MAP4: variants seen among roughly 807,000 people sequenced by gnomAD.
MAP4 encodes the protein microtubule associated protein 4, also known as microtubule-associated protein 4.
In MAP4, 76 loss-of-function variants were observed where a neutral mutation model predicts 170.2. The ratio of observed to expected loss-of-function variants is 0.45; its 90% CI spans 0.37 to 0.54. The LOEUF is 0.54. MAP4 is among the 20% of genes least tolerant of loss of function. The probability of loss-of-function intolerance (pLI) is 0.00; values close to 1 mark genes in which losing one functional copy is unlikely to be tolerated. For missense variants in MAP4, 2,506 were observed against 2,748.0 expected, an observed-to-expected ratio of 0.91 and a Z score of 1.97; for synonymous variants, 909 against 994.5, an observed-to-expected ratio of 0.91 and a Z score of 1.62.
intron 13 of MAP4, 147 bp from the exon 14 acceptor site, chr3:47,871,433 A>C: frequency 1.4e-6 from 1 of 707,200 alleles, no homozygotes; most frequent in East Asian, 2.7e-5. Flanking sequence ...TGGAGTGGTA[A>C]ATTAGATGGT....
intron 1 of MAP4, among the ~76,000 whole-genome samples, chr3:48,075,464 T>C (rs1579838025): frequency 6.6e-6 from 1 of 150,810 alleles, no homozygotes; most frequent in African/African-American, 2.4e-5. Context: ...GGCAGAGAGG[T>C]TACAGTGAGC....
intron 1 of MAP4, among the ~76,000 whole-genome samples, chr3:48,063,283 T>TAC (rs1228677831): frequency 4.6e-5 from 7 of 151,726 alleles, no homozygotes; most frequent in African/African-American, 1.7e-4. Flanking sequence ...TGCAAAATGG[T>TAC]ACAGCCAGCA....
At chr3:48,016,451 A>G (rs985572407), upstream of MAP4, 2 of 152,238 alleles carry the variant, frequency 1.3e-5, no homozygotes, top group Admixed American at 1.3e-4. Flanking sequence ...AGAACACACC[A>G]GATACCTCCC....
At chr3:48,014,604 A>G (rs2100106876) in intron 1 of MAP4, among the ~76,000 whole-genome samples, 1 of 152,042 alleles carries the variant, frequency 6.6e-6, no homozygotes, top group Non-Finnish European at 1.5e-5. Flanking sequence ...GGCTGCAGTG[A>G]GCCACTATTG....
chr3:48,025,668 G>T (rs1041573377), intron 1 of MAP4, among the ~76,000 whole-genome samples: 1 of 151,796 alleles, frequency 6.6e-6, no homozygotes, highest in African/African-American at 2.4e-5. Flanking sequence ...GGCGGTCAAG[G>T]CGGGCAGCTC....
chr3:48,006,778 CA>C (rs1461094655), intron 1 of MAP4, among the ~76,000 whole-genome samples: 1 of 152,234 alleles, frequency 6.6e-6, no homozygotes, highest in African/African-American at 2.4e-5. Flanking sequence ...GTGCAGAAGA[CA>C]GATGGATCCT....
chr3:47,861,139 T>A (rs1271350655), intron 17 of MAP4, among the ~76,000 whole-genome samples: 2 of 152,116 alleles, frequency 1.3e-5, no homozygotes, highest in Non-Finnish European at 2.9e-5. Context: ...GGTGGGTGGA[T>A]CACCTGAGGT....
intron 1 of MAP4, among the ~76,000 whole-genome samples, chr3:48,070,841 GAAA>G (rs79176172): frequency 5.0e-5 from 6 of 119,570 alleles, no homozygotes; most frequent in Admixed American, 8.5e-5. Context: ...GTCTCTACAG[GAAA>G]AAAAAAAAAA....
chr3:47,956,606 G>C (rs1442389483), intron 3 of MAP4, among the ~76,000 whole-genome samples: 1 of 152,200 alleles, frequency 6.6e-6, no homozygotes, highest in African/African-American at 2.4e-5. Flanking sequence ...ATGGTGACAA[G>C]GAAATCTGGG....
rs905680834 is a variant in MAP4 at position 47,915,802 on chromosome 3, A to T, written c.1876+149T>A. 8.8e-6 allele frequency: 7 copies of T among 793,120 alleles called. No individual in the cohort carries two copies. In the African/African-American group the frequency reaches 1.0e-4, roughly 12 times the overall value. The allele number at this position is 793,120 out of a possible 1,614,324, so 49.1% of individuals were successfully genotyped here. On this transcript the variant is annotated intron_variant, in intron 7 of 20. Coordinates refer to ENST00000683076, the MANE Select transcript of MAP4 (RefSeq NM_001385682.1). ...GAGGTGGGAGGAGGGTAAAGGCGGG[A>T]AAGAGTTGTCTAGGAGAGCAGGAGT...
chr3:47,997,325 C>CAAAAAAAAA (rs1559754149), intron 2 of MAP4, among the ~76,000 whole-genome samples: 1 of 40,708 alleles, frequency 2.5e-5, no homozygotes, highest in African/African-American at 2.2e-4. Context: ...ATTTAAACTG[C>CAAAAAAAAA]TAAAAAAAAA....
intron 1 of MAP4, among the ~76,000 whole-genome samples, chr3:48,080,985 G>C (rs2100146368): frequency 6.6e-6 from 1 of 152,194 alleles, no homozygotes. Context: ...TTAGCCAGGC[G>C]TGGTGGCGGG....
At chr3:48,088,601 C>A (rs1232300165) in intron 1 of MAP4, among the ~76,000 whole-genome samples, 3 of 152,138 alleles carry the variant, frequency 2.0e-5, no homozygotes. Context: ...CAGCCCCCCG[C>A]CTGGCCCCCT....
chr3:47,975,597 G>A (rs2154262981), intron 3 of MAP4: 1 of 724,282 alleles, frequency 1.4e-6, no homozygotes, highest in Admixed American at 2.0e-5. Flanking sequence ...AATGAAGCTG[G>A]TTTGCTCTCG....
At chr3:47,865,578 G>C (rs558773321) in intron 17 of MAP4, among the ~76,000 whole-genome samples, 1 of 152,318 alleles carries the variant, frequency 6.6e-6, no homozygotes, top group South Asian at 2.1e-4. Flanking sequence ...ACTGCTGGGG[G>C]TATCTGTAGG....
At chr3:48,078,760 C>A (rs757167661) in intron 1 of MAP4, among the ~76,000 whole-genome samples, 3 of 152,122 alleles carry the variant, frequency 2.0e-5, no homozygotes, top group Non-Finnish European at 4.4e-5. Flanking sequence ...AAAATATGTT[C>A]TTCCCATAAG....
At position 48,088,423 on chromosome 3, in the gene MAP4, G is replaced by T. The variant is rs2100150520; in HGVS notation, c.-20+350C>A. ...CTCCTACACCTCCGAACCCCACCCA[G>T]GGCCCCAGACTGCGGCCGACCCTCG... On this transcript the variant is annotated intron_variant, in intron 1 of 18. Transcript: ENST00000360240. Among the ~76,000 whole-genome samples the T allele has an allele frequency of 2.6e-5, 4 of 152,018 alleles. No individual in the cohort carries two copies. In the South Asian group the frequency reaches 8.3e-4, roughly 32 times the overall value.
Position 47,852,768 on chromosome 3 carries a change from C to T in MAP4, c.*166G>A, listed in dbSNP as rs780397009. The T allele has an allele frequency of 1.8e-5, 28 of 1,545,038 alleles. No homozygotes were observed. The highest frequency in any genetic ancestry group is 2.4e-5 in the Non-Finnish European group (28 of 1,146,450). Reference sequence around the variant, plus strand: ...AAGGCGAGCCTAGCGGGCTGCCCAGCACGGCGCCCAAGCGCTCACTGGTCT... The same window carrying T: ...AAGGCGAGCCTAGCGGGCTGCCCAGTACGGCGCCCAAGCGCTCACTGGTCT... On this transcript the variant is annotated 3_prime_UTR_variant, in exon 21 of 21. Coordinates refer to ENST00000683076, the MANE Select transcript of MAP4 (RefSeq NM_001385682.1).
At chr3:47,879,277 CTA>C (rs1248897275) in intron 10 of MAP4, among the ~76,000 whole-genome samples, 1 of 151,336 alleles carries the variant, frequency 6.6e-6, no homozygotes, top group East Asian at 1.9e-4. Flanking sequence ...TAATGTGAAA[CTA>C]TTTGTCTTGA....
Sources: gnomAD v4.1 joint callset for allele counts (sites outside exome capture counted in the v4.1 genomes callset) on GRCh38, gnomAD v4.1.1 for gene constraint, MANE v1.5 for transcripts, NCBI Gene and HGNC (gene_info 2026-07-23, HGNC 2026-07-21) for gene names.